The following DYRK1A variants were observed in gnomAD, a reference collection of about 807,000 sequenced individuals.
DYRK1A encodes the protein dual specificity tyrosine-phosphorylation-regulated kinase 1A.
In DYRK1A, 9 loss-of-function variants were observed where a neutral mutation model predicts 79.7. That is an observed-to-expected ratio of 0.11 (90% CI 0.07 to 0.20). The LOEUF (loss-of-function observed/expected upper bound fraction) is 0.20, where lower values mean the gene tolerates loss of function less well. DYRK1A is among the 10% of genes least tolerant of loss of function. The probability of loss-of-function intolerance (pLI) is 1.00; values close to 1 mark genes in which losing one functional copy is unlikely to be tolerated. For synonymous variants in DYRK1A, 349 were observed against 329.7 expected (o/e 1.06, Z -0.63); for missense variants, 622 against 956.0 (o/e 0.65, Z 4.61).
At chr21:37,461,430 G>GA (rs1476431872) in intron 2 of DYRK1A, among the ~76,000 whole-genome samples, 2 of 152,002 alleles carry the variant, frequency 1.3e-5, no homozygotes, top group Non-Finnish European at 2.9e-5. Flanking sequence ...AAAATATTAA[G>GA]AAAAAATGTC....
chr21:37,411,620 T>C (rs1190614539), intron 1 of DYRK1A, among the ~76,000 whole-genome samples: 3 of 152,338 alleles, frequency 2.0e-5, no homozygotes, highest in Middle Eastern at 3.4e-3. Flanking sequence ...TGTGACAGTG[T>C]GACTACTGAC....
chr21:37,365,617 G>A (rs1330749305), upstream of DYRK1A: 1 of 152,158 alleles, frequency 6.6e-6, no homozygotes, highest in Non-Finnish European at 1.5e-5. Context: ...GCAATACATA[G>A]CTAGGGAGAA....
chr21:37,471,281 A>T (rs2052214705), intron 2 of DYRK1A, among the ~76,000 whole-genome samples: 1 of 150,524 alleles, frequency 6.6e-6, no homozygotes, highest in Admixed American at 6.6e-5. Context: ...GTAAGGGAAG[A>T]ACTCTAACAT....
In DYRK1A at chr21:37,496,384, CATAGAT is replaced by C. The variant is rs1041826045; in HGVS notation, c.1212+129_1212+134del. 5.2e-5 allele frequency: 49 copies of C among 939,408 alleles called. 1 individual carries two copies. The highest frequency in any genetic ancestry group is 9.5e-6 in the Non-Finnish European group (6 of 633,344). 58.2% of individuals were successfully genotyped at this position (939,408 alleles called of 1,614,324 possible). On this transcript the variant is annotated intron_variant, in intron 9 of 11. Transcript: ENST00000647188. ...AGTTAACGATTTTATTGATACCTTACATAGATATTTTGTTCAGAAGTTGAGTATAGT... is the reference window on the plus strand; with the variant it reads ...AGTTAACGATTTTATTGATACCTTACATTTTGTTCAGAAGTTGAGTATAGT...
At chr21:37,411,855 C>T (rs1416730131) in intron 1 of DYRK1A, among the ~76,000 whole-genome samples, 1 of 152,198 alleles carries the variant, frequency 6.6e-6, no homozygotes, top group Non-Finnish European at 1.5e-5. Context: ...CACATAACTA[C>T]TATTCTCTTT....
At chr21:37,391,742 G>A (rs749881394) in intron 1 of DYRK1A, among the ~76,000 whole-genome samples, 9 of 152,034 alleles carry the variant, frequency 5.9e-5, no homozygotes, top group East Asian at 1.9e-4. Context: ...TTATCTTTCC[G>A]TTTTCTTTTC....
chr21:37,420,289 C>G lies in DYRK1A; in HGVS notation c.-76-10C>G. On this transcript the variant is annotated splice_polypyrimidine_tract_variant and intron_variant, in intron 1 of 11. Coordinates refer to ENST00000647188, the MANE Select transcript of DYRK1A (RefSeq NM_001347721.2). ...TTATCTCTTATCATAATCTGTTTTT[C>G]TTCACACAGTGTTATAGTTTTGCCG... 1 of 1,176,076 alleles carries G rather than the reference C, an allele frequency of 8.5e-7. No individual in the cohort carries two copies. The highest frequency in any genetic ancestry group is 2.5e-5 in the East Asian group (1 of 40,058). 72.9% of individuals were successfully genotyped at this position (1,176,076 alleles called of 1,614,324 possible).
At chr21:37,389,952 G>GTTGCTCACT (rs1425009766) in intron 1 of DYRK1A, among the ~76,000 whole-genome samples, 1 of 148,838 alleles carries the variant, frequency 6.7e-6, no homozygotes, top group Non-Finnish European at 1.5e-5. Context: ...GAGACAGGGT[G>GTTGCTCACT]TTGCTCACTT....
At chr21:37,490,894 A>G (rs1023910522) in intron 7 of DYRK1A, among the ~76,000 whole-genome samples, 6 of 152,098 alleles carry the variant, frequency 3.9e-5, no homozygotes, top group African/African-American at 1.4e-4. Flanking sequence ...TCCCAAGTAA[A>G]GGTTTTAGTA....
intron 3 of DYRK1A, 47 bp downstream of exon 3, chr21:37,472,927 T>G: frequency 7.4e-7 from 1 of 1,359,358 alleles, no homozygotes; most frequent in South Asian, 2.1e-5. Context: ...GGCAGTTTAT[T>G]CCTTAAAAAT....
intron 2 of DYRK1A, among the ~76,000 whole-genome samples, chr21:37,445,397 T>C (rs9974713): frequency 0.77 from 117,212 of 152,018 alleles, 45,500 homozygotes; most frequent in East Asian, 0.99. Flanking sequence ...AAGCAACAAG[T>C]ATTTGAGCAT....
In DYRK1A at chr21:37,406,982, C is replaced by T. The variant is rs547534132; in HGVS notation, c.-76-13317C>T. ...GTCATCTTTTACAACTCCTCCCTAC[C>T]GCTCCTCCCCTAGCTCTCCAGGCCC... On this transcript the variant is annotated intron_variant, in intron 1 of 11. Transcript: ENST00000647188. 8.7e-5 allele frequency among the ~76,000 whole-genome samples: 13 copies of T among 149,800 alleles called. No individual in the cohort carries two copies. The South Asian group carries it at 1.0e-3, about 12-fold the overall frequency.
chr21:37,476,896 G>A (rs1348278404), intron 3 of DYRK1A, among the ~76,000 whole-genome samples: 1 of 149,422 alleles, frequency 6.7e-6, no homozygotes. Context: ...GTAAATGGGT[G>A]AATTTGCCCT....
intron 1 of DYRK1A, among the ~76,000 whole-genome samples, chr21:37,397,767 C>T (rs1055365990): frequency 3.3e-5 from 5 of 152,054 alleles, no homozygotes; most frequent in African/African-American, 1.2e-4. Flanking sequence ...TTTTAACAAG[C>T]CCCTCAGGGT....
At position 37,391,598 on chromosome 21, in the gene DYRK1A, C is replaced by G. The variant is rs571996948; in HGVS notation, c.-77+23970C>G. Among the ~76,000 whole-genome samples the G allele has an allele frequency of 3.9e-5, 6 of 152,286 alleles. No homozygotes were observed. In the South Asian group the frequency reaches 1.2e-3, roughly 32 times the overall value. On this transcript the variant is annotated intron_variant, in intron 1 of 11. Transcript: ENST00000647188. ...CCTTTTATTATTTTTTGCAGTCCTCCTTAACCCCTTGTTTACCTGCTCTGT... is the reference window on the plus strand; with the variant it reads ...CCTTTTATTATTTTTTGCAGTCCTCGTTAACCCCTTGTTTACCTGCTCTGT...
chr21:37,466,636 C>CA (rs2052034667), intron 2 of DYRK1A, among the ~76,000 whole-genome samples: 1 of 151,786 alleles, frequency 6.6e-6, no homozygotes, highest in South Asian at 2.1e-4. Flanking sequence ...ACAGATAAAG[C>CA]AAAAAGCTTT....
At chr21:37,444,843 GGA>G (rs916505973) in intron 2 of DYRK1A, among the ~76,000 whole-genome samples, 2 of 152,170 alleles carry the variant, frequency 1.3e-5, no homozygotes, top group African/African-American at 4.8e-5. Flanking sequence ...GGGTATAAAG[GGA>G]GAGAGAGCAC....
intron 2 of DYRK1A, among the ~76,000 whole-genome samples, chr21:37,446,490 G>C (rs1258776833): frequency 6.6e-6 from 1 of 151,962 alleles, no homozygotes; most frequent in Non-Finnish European, 1.5e-5. Context: ...TAATAAAGTA[G>C]TTAATGGGAA....
intron 2 of DYRK1A, among the ~76,000 whole-genome samples, chr21:37,460,682 A>G (rs770911459): frequency 1.5e-4 from 23 of 152,184 alleles, no homozygotes; most frequent in Admixed American, 3.9e-4. Flanking sequence ...TGTACTAAGT[A>G]GGGAAGAATT....
Sources: gnomAD v4.1 joint callset for allele counts (sites outside exome capture counted in the v4.1 genomes callset) on GRCh38, gnomAD v4.1.1 for gene constraint, MANE v1.5 for transcripts, NCBI Gene and HGNC (gene_info 2026-07-23, HGNC 2026-07-21) for gene names.